Variants in SWAP70 observed in about 807,000 individuals in gnomAD.
SWAP70 encodes switching B cell complex subunit SWAP70.
Under a neutral mutation model 80.2 loss-of-function variants are expected in SWAP70, and 34 were observed. The ratio of observed to expected loss-of-function variants is 0.42; its 90% CI spans 0.32 to 0.56. SWAP70 has a LOEUF of 0.56. Ranked by LOEUF, SWAP70 falls within the 20% of genes least tolerant of loss-of-function variation. The probability of loss-of-function intolerance (pLI) is 0.09; values close to 1 mark genes in which losing one functional copy is unlikely to be tolerated. For missense variants in SWAP70, 578 were observed against 690.7 expected, an observed-to-expected ratio of 0.84 and a Z score of 1.83; for synonymous variants, 239 against 238.5, an observed-to-expected ratio of 1.00 and a Z score of -0.02.
intron 9 of SWAP70, chr11:9,741,435 G>T (rs1851436599): frequency 6.6e-6 from 1 of 152,150 alleles, no homozygotes; most frequent in Admixed American, 6.5e-5. Flanking sequence ...CTCCCCTCCA[G>T]TGCCACTCGG....
At chr11:9,674,982 A>T (rs1244893091) in intron 1 of SWAP70, among the ~76,000 whole-genome samples, 16 of 148,878 alleles carry the variant, frequency 1.1e-4, no homozygotes, top group African/African-American at 2.7e-4. Flanking sequence ...AAAAAAAAAA[A>T]AATTTTAAAT....
intron 4 of SWAP70, among the ~76,000 whole-genome samples, chr11:9,725,256 G>A (rs901284786): frequency 4.0e-5 from 6 of 151,846 alleles, no homozygotes; most frequent in Non-Finnish European, 7.4e-5. Context: ...GGGATTACAG[G>A]TGTGACCCAC....
chr11:9,672,195 CTATATATATATATATA>C lies in SWAP70; in HGVS notation c.99+7935_99+7950del, dbSNP rs57590750. Among the ~76,000 whole-genome samples the C allele has an allele frequency of 1.2e-3, 95 of 78,418 alleles. 4 individuals are homozygous for C. In the Middle Eastern group the frequency reaches 0.044, roughly 36 times the overall value. 51.4% of individuals were successfully genotyped at this position (78,418 alleles called of 152,430 possible). A position where few individuals can be genotyped will look rare whatever the true frequency, so the allele number is the denominator to read the frequency against. ...TATATATATACATATATGTGTGTGT[CTATATATATATATATA>C]TATATATATATATATATGATTGTAA... On this transcript the variant is annotated intron_variant, in intron 1 of 11. Coordinates refer to ENST00000318950, the MANE Select transcript of SWAP70 (RefSeq NM_015055.4).
At chr11:9,715,981 G>T (rs550765404) in intron 3 of SWAP70, among the ~76,000 whole-genome samples, 6 of 152,294 alleles carry the variant, frequency 3.9e-5, no homozygotes, top group Admixed American at 3.9e-4. Flanking sequence ...ACGGAGTCTT[G>T]GAAAGGATAC....
intron 9 of SWAP70, 117 bp downstream of exon 9, chr11:9,740,464 G>C (rs773077330): frequency 1.9e-6 from 2 of 1,058,960 alleles, no homozygotes; most frequent in Non-Finnish European, 1.5e-6. Context: ...GGCTGTGACT[G>C]AGCTCGAGGT....
chr11:9,706,772 C>T (rs151103289), intron 2 of SWAP70, among the ~76,000 whole-genome samples: 122 of 152,088 alleles, frequency 8.0e-4, no homozygotes, highest in African/African-American at 2.6e-3. Context: ...GTGTTGTGTA[C>T]CTTCATGTCA....
At chr11:9,733,438 ACT>A (rs1269409645) in intron 7 of SWAP70, among the ~76,000 whole-genome samples, 1 of 152,026 alleles carries the variant, frequency 6.6e-6, no homozygotes, top group African/African-American at 2.4e-5. Flanking sequence ...ATAATCTGTG[ACT>A]CTACATACCT....
chr11:9,685,165 G>T (rs1850615914), intron 1 of SWAP70, among the ~76,000 whole-genome samples: 1 of 151,336 alleles, frequency 6.6e-6, no homozygotes, highest in Non-Finnish European at 1.5e-5. Context: ...CGAGGCTGGA[G>T]TGCAGTAGCA....
chr11:9,709,588 G>C (rs898976537), intron 2 of SWAP70, among the ~76,000 whole-genome samples: 1 of 151,994 alleles, frequency 6.6e-6, no homozygotes, highest in African/African-American at 2.4e-5. Flanking sequence ...GTAGTAGTGC[G>C]ATCTCCCACC....
At chr11:9,665,871 A>C (rs1850300955) in intron 1 of SWAP70, among the ~76,000 whole-genome samples, 1 of 152,014 alleles carries the variant, frequency 6.6e-6, no homozygotes. Flanking sequence ...TTTTATTTAA[A>C]GTAAGTTTTT....
chr11:9,722,297 C>T (rs376832251), intron 3 of SWAP70, among the ~76,000 whole-genome samples: 1 of 152,156 alleles, frequency 6.6e-6, no homozygotes, highest in African/African-American at 2.4e-5. Flanking sequence ...CCACGCTGAG[C>T]TTTGGGGATT....
intron 2 of SWAP70, among the ~76,000 whole-genome samples, chr11:9,700,613 G>A (rs1357369162): frequency 1.3e-5 from 2 of 152,130 alleles, no homozygotes; most frequent in Non-Finnish European, 2.9e-5. Context: ...GCTTAAGGTG[G>A]CCTAGCTAAT....
intron 2 of SWAP70, among the ~76,000 whole-genome samples, chr11:9,697,313 G>A (rs1252795644): frequency 4.6e-5 from 5 of 109,756 alleles, no homozygotes; most frequent in Non-Finnish European, 9.6e-5. Flanking sequence ...TCTTTTTTTT[G>A]CTCTTGTTTC....
rs1311930867 is a variant in SWAP70, at chr11:9,694,297, A to G, written c.240+11A>G. The G allele has an allele frequency of 6.2e-6, 10 of 1,606,268 alleles. No individual in the cohort carries two copies. The highest frequency in any genetic ancestry group is 7.6e-6 in the Non-Finnish European group (9 of 1,176,634). On this transcript the variant is annotated intron_variant, in intron 2 of 11. Transcript: ENST00000318950. ...TTCATTTTGGAAAAGGTATGATTCT[A>G]ACCTTTTTTTGGGTGTAGCATTGTT...
At chr11:9,692,893 C>T (rs1850713202) in intron 1 of SWAP70, among the ~76,000 whole-genome samples, 1 of 152,130 alleles carries the variant, frequency 6.6e-6, no homozygotes, top group Admixed American at 6.6e-5. Flanking sequence ...CATTTATAAC[C>T]ATTTGTGAAT....
chr11:9,728,032 A>T (rs1251308766), intron 4 of SWAP70, 21 bp from the exon 5 acceptor site: 1 of 1,570,530 alleles, frequency 6.4e-7, no homozygotes, highest in African/African-American at 1.4e-5. Flanking sequence ...AATAATTTAT[A>T]TCACATTTAA....
intron 1 of SWAP70, among the ~76,000 whole-genome samples, chr11:9,678,116 C>T (rs1484613814): frequency 2.0e-5 from 3 of 152,142 alleles, no homozygotes; most frequent in African/African-American, 7.2e-5. Flanking sequence ...CTTTTGTGAA[C>T]TTGGCATGTA....
At position 9,664,173 on chromosome 11, in the gene SWAP70, C is replaced by T. The variant is rs749409014; in HGVS notation, c.-7C>T. 7 of 1,565,972 alleles carry T rather than the reference C, an allele frequency of 4.5e-6. No individual in the cohort carries two copies. Among genetic ancestry groups the T allele is most frequent in the Non-Finnish European group, 5.2e-6 (6 of 1,158,334 alleles). The stretch of plus-strand genomic sequence containing the variant: ...GGAGGGGTTGGCGGGGCAGCAGGGC[C>T]GCGGCCATGGGGAGCTTGAAGGAGG... On this transcript the variant is annotated 5_prime_UTR_variant, in exon 1 of 12. Coordinates refer to ENST00000318950, the MANE Select transcript of SWAP70 (RefSeq NM_015055.4).
At chr11:9,699,419 G>C (rs558566739) in intron 2 of SWAP70, among the ~76,000 whole-genome samples, 24 of 151,996 alleles carry the variant, frequency 1.6e-4, no homozygotes, top group African/African-American at 5.5e-4. Flanking sequence ...TTATTGCTCA[G>C]GTAGCTTATT....
Sources: gnomAD v4.1 joint callset for allele counts (sites outside exome capture counted in the v4.1 genomes callset) on GRCh38, gnomAD v4.1.1 for gene constraint, MANE v1.5 for transcripts, NCBI Gene and HGNC (gene_info 2026-07-23, HGNC 2026-07-21) for gene names.